ZNF83: variants seen among roughly 807,000 people sequenced by gnomAD.
The protein encoded by ZNF83 is zinc finger protein 816B.
For synonymous variants in ZNF83, 209 were observed against 213.0 expected (o/e 0.98, Z 0.17); for missense variants, 552 against 629.9 (o/e 0.88, Z 1.32).
At chr19:52,682,553 C>T (rs2061938861) in intron 1 of ZNF83, among the ~76,000 whole-genome samples, 1 of 152,022 alleles carries the variant, frequency 6.6e-6, no homozygotes, top group Admixed American at 6.6e-5. Flanking sequence ...TACCTGTAGT[C>T]CCAGCTACTC....
At chr19:52,653,379 G>T in intron 3 of ZNF83, 1 of 1,051,800 alleles carries the variant, frequency 9.5e-7, no homozygotes, top group South Asian at 1.3e-5. Context: ...GGAAAACCTT[G>T]CCACATTCAT....
chr19:52,673,239 G>T (rs1428638147), intron 1 of ZNF83, among the ~76,000 whole-genome samples: 3 of 152,098 alleles, frequency 2.0e-5, no homozygotes, highest in East Asian at 3.9e-4. Flanking sequence ...GGGCACAGTG[G>T]CTCATGCTTG....
At chr19:52,626,724 G>T (rs897940188) in intron 2 of ZNF83, among the ~76,000 whole-genome samples, 1 of 151,782 alleles carries the variant, frequency 6.6e-6, no homozygotes, top group Non-Finnish European at 1.5e-5. Context: ...CCTATTCCTT[G>T]TAACTCATTA....
chr19:52,613,302 T>A (rs1408033051), exon 3 of ZNF83: 2 of 1,614,036 alleles, frequency 1.2e-6, no homozygotes, highest in East Asian at 4.5e-5. Context: ...CAGTATGAAT[T>A]CTCCAATGAT....
chr19:52,656,224 CTCTATA>C, intron 2 of ZNF83, among the ~76,000 whole-genome samples: 1 of 124,660 alleles, frequency 8.0e-6, no homozygotes, highest in South Asian at 2.5e-4. Context: ...CTCTCTCTCT[CTCTATA>C]TATATATATA....
At position 52,630,478 on chromosome 19, in the gene ZNF83, C is replaced by T. The variant is rs183677319; in HGVS notation, c.-234+4588G>A. ...CCCACTCTGGTGCCAACTTGGACAACACTCTTTTATGCACTCTTTTTTAGT... is the reference window on the plus strand; with the variant it reads ...CCCACTCTGGTGCCAACTTGGACAATACTCTTTTATGCACTCTTTTTTAGT... On this transcript the variant is annotated intron_variant, in intron 2 of 2. Transcript: ENST00000301096. Among the ~76,000 whole-genome samples, 671 of 152,252 alleles carry T rather than the reference C, an allele frequency of 4.4e-3. 5 individuals are homozygous for T. The highest frequency in any genetic ancestry group is 0.016 in the African/African-American group (649 of 41,536).
chr19:52,681,156 G>A (rs979451070), intron 1 of ZNF83, among the ~76,000 whole-genome samples: 2 of 151,146 alleles, frequency 1.3e-5, no homozygotes, highest in African/African-American at 2.4e-5. Flanking sequence ...ATGGTGGCAG[G>A]CACCTGTAAT....
intron 1 of ZNF83, among the ~76,000 whole-genome samples, chr19:52,682,460 C>T (rs2061937486): frequency 2.0e-5 from 3 of 152,036 alleles, no homozygotes; most frequent in South Asian, 4.2e-4. Flanking sequence ...ATCACAAGGT[C>T]AGGAGTTCAA....
intron 1 of ZNF83, among the ~76,000 whole-genome samples, chr19:52,685,299 T>A (rs1157650755): frequency 2.0e-5 from 3 of 151,996 alleles, no homozygotes; most frequent in Non-Finnish European, 4.4e-5. Flanking sequence ...CCTGAGAAGA[T>A]CTGAGATGAG....
At chr19:52,613,211 T>C in exon 3 of ZNF83, 1 of 1,614,092 alleles carries the variant, frequency 6.2e-7, no homozygotes, top group South Asian at 1.1e-5. Flanking sequence ...TTCTCTCCAG[T>C]GTGAATTTTC....
chr19:52,667,653 G>A (rs549950424), intron 1 of ZNF83, among the ~76,000 whole-genome samples: 2 of 152,136 alleles, frequency 1.3e-5, no homozygotes, highest in African/African-American at 4.8e-5. Context: ...TAAACATACT[G>A]GCAAAAGTTA....
intron 2 of ZNF83, among the ~76,000 whole-genome samples, chr19:52,630,453 C>CCCACTCTGGTG (rs1420102901): frequency 5.9e-5 from 9 of 152,142 alleles, no homozygotes; most frequent in Admixed American, 4.6e-4. Flanking sequence ...TTAAAACTCC[C>CCCACTCTGGTG]CCACTCTGGT....
At chr19:52,650,093 C>G (rs1329344455) in intron 3 of ZNF83, among the ~76,000 whole-genome samples, 2 of 151,692 alleles carry the variant, frequency 1.3e-5, no homozygotes, top group Non-Finnish European at 2.9e-5. Context: ...AAAATTAGGT[C>G]ATTTCAAAAG....
chr19:52,677,123 TTAA>T (rs1355978157), intron 1 of ZNF83, among the ~76,000 whole-genome samples: 3 of 34,244 alleles, frequency 8.8e-5, no homozygotes, highest in African/African-American at 3.0e-4. Context: ...GAATGATCAA[TTAA>T]AAAAAAAAAG....
intron 1 of ZNF83, among the ~76,000 whole-genome samples, chr19:52,637,844 C>G (rs1190198781): frequency 1.3e-5 from 2 of 152,046 alleles, no homozygotes; most frequent in Non-Finnish European, 1.5e-5. Flanking sequence ...GCAGGGCCCG[C>G]CACGAGGAGG....
At chr19:52,629,286 T>C (rs1362087996) in intron 2 of ZNF83, among the ~76,000 whole-genome samples, 1 of 152,132 alleles carries the variant, frequency 6.6e-6, no homozygotes, top group Non-Finnish European at 1.5e-5. Flanking sequence ...AGGCATTCTT[T>C]TACACATCGG....
chr19:52,629,924 G>A (rs2060889071), intron 2 of ZNF83, among the ~76,000 whole-genome samples: 1 of 152,150 alleles, frequency 6.6e-6, no homozygotes, highest in Admixed American at 6.5e-5. Context: ...GAAAAAAGTT[G>A]CAATTCCTTG....
At chr19:52,628,449 A>G (rs370984900) in intron 2 of ZNF83, among the ~76,000 whole-genome samples, 1 of 152,012 alleles carries the variant, frequency 6.6e-6, no homozygotes, top group South Asian at 2.1e-4. Context: ...CTTAATTTCA[A>G]TTCCTTTCAT....
chr19:52,655,691 A>C (rs764060031), intron 2 of ZNF83: 184 of 1,052,102 alleles, frequency 1.7e-4, no homozygotes, highest in Non-Finnish European at 2.5e-4. Flanking sequence ...AGCATCCCTA[A>C]AATTAAACAC....
Sources: gnomAD v4.1 joint callset for allele counts (sites outside exome capture counted in the v4.1 genomes callset) on GRCh38, gnomAD v4.1.1 for gene constraint, MANE v1.5 for transcripts, NCBI Gene and HGNC (gene_info 2026-07-23, HGNC 2026-07-21) for gene names.